The following LMO1 variants were observed in gnomAD, a reference collection of about 807,000 sequenced individuals.
LMO1 encodes the protein rhombotin-1.
A neutral mutation model predicts 18.0 loss-of-function variants in LMO1; 10 were observed. That is an observed-to-expected ratio of 0.55 (90% CI 0.34 to 0.94). LMO1 has a LOEUF of 0.94. LMO1 is among the 40% of genes least tolerant of loss of function. The pLI, the probability that LMO1 is intolerant of heterozygous loss-of-function variation, is 0.02. For synonymous variants in LMO1, 77 were observed against 77.9 expected (o/e 0.99, Z 0.06); for missense variants, 183 against 205.7 (o/e 0.89, Z 0.68).
At chr11:8,251,901 GT>G (rs1847004630) in intron 1 of LMO1, among the ~76,000 whole-genome samples, 1 of 55,274 alleles carries the variant, frequency 1.8e-5, no homozygotes, top group Non-Finnish European at 4.9e-5. Context: ...GTGTATGGGA[GT>G]GTGTGGTGGG....
intron 1 of LMO1, among the ~76,000 whole-genome samples, chr11:8,233,159 T>C (rs1203449100): frequency 1.3e-5 from 2 of 152,156 alleles, no homozygotes; most frequent in African/African-American, 4.8e-5. Flanking sequence ...AGAACTCTTA[T>C]AGAAGCCACA....
chr11:8,226,791 G>T, intron 3 of LMO1, 184 bp downstream of exon 3: 1 of 1,135,642 alleles, frequency 8.8e-7, no homozygotes, highest in Non-Finnish European at 1.2e-6. Flanking sequence ...CACACATTTG[G>T]CTACCGAGCT....
intron 1 of LMO1, among the ~76,000 whole-genome samples, chr11:8,232,785 A>G (rs1171856932): frequency 6.6e-6 from 1 of 152,188 alleles, no homozygotes; most frequent in African/African-American, 2.4e-5. Flanking sequence ...GGGAGACCCT[A>G]GCCCACTAAA....
At chr11:8,247,873 G>T (rs2134562862) in intron 1 of LMO1, among the ~76,000 whole-genome samples, 2 of 152,362 alleles carry the variant, frequency 1.3e-5, no homozygotes, top group South Asian at 4.1e-4. Context: ...GTAAGGGGTG[G>T]CAGGAGTACA....
intron 1 of LMO1, among the ~76,000 whole-genome samples, chr11:8,245,534 G>C (rs762306924): frequency 1.3e-5 from 2 of 152,168 alleles, no homozygotes; most frequent in Admixed American, 6.5e-5. Flanking sequence ...GCAAAGATCC[G>C]TACTAACCCC....
At chr11:8,224,870 C>T (rs1322172529) in intron 3 of LMO1, 149 bp from the exon 4 acceptor site, 2 of 636,512 alleles carry the variant, frequency 3.1e-6, no homozygotes, top group Admixed American at 4.6e-5. Context: ...GAGGGAACTG[C>T]CAAAAGTCCC....
intron 3 of LMO1, among the ~76,000 whole-genome samples, chr11:8,226,215 C>T (rs907421394): frequency 6.6e-6 from 1 of 152,106 alleles, no homozygotes; most frequent in Admixed American, 6.5e-5. Flanking sequence ...CGTATACAGG[C>T]TGGGCGCGGT....
upstream of LMO1, chr11:8,268,412 G>C: frequency 6.8e-7 from 1 of 1,468,660 alleles, no homozygotes; most frequent in South Asian, 1.3e-5. Flanking sequence ...CCGGCACCGG[G>C]CGCCGGGCAC....
At chr11:8,225,606 C>T (rs968979613) in intron 3 of LMO1, among the ~76,000 whole-genome samples, 5 of 152,214 alleles carry the variant, frequency 3.3e-5, no homozygotes, top group Admixed American at 2.0e-4. Flanking sequence ...TCCTCTCCTA[C>T]CGAAGGAAGG....
At chr11:8,236,626 A>G (rs991463483) in intron 1 of LMO1, among the ~76,000 whole-genome samples, 1 of 152,016 alleles carries the variant, frequency 6.6e-6, no homozygotes, top group African/African-American at 2.4e-5. Flanking sequence ...ACACACGGAG[A>G]GCATGCAGAC....
chr11:8,232,218 T>A (rs929398889), intron 1 of LMO1, among the ~76,000 whole-genome samples: 4 of 152,102 alleles, frequency 2.6e-5, no homozygotes, highest in African/African-American at 9.7e-5. Flanking sequence ...AGCTGGTGAG[T>A]GTGCTGCCTA....
At chr11:8,254,479 G>A (rs571621356) in intron 1 of LMO1, among the ~76,000 whole-genome samples, 2 of 152,304 alleles carry the variant, frequency 1.3e-5, no homozygotes, top group South Asian at 2.1e-4. Context: ...TTCTCACCTG[G>A]CTGCATCTGC....
Position 8,241,480 on chromosome 11 carries a change from G to A in LMO1, c.26-10976C>T, listed in dbSNP as rs975380246. Reference sequence around the variant, plus strand: ...AACACCCAGACTCTTCATCCAGCCTGTAACATCTTCATGTGGTCTGGTGTC... The same window carrying A: ...AACACCCAGACTCTTCATCCAGCCTATAACATCTTCATGTGGTCTGGTGTC... On this transcript the variant is annotated intron_variant, in intron 1 of 3. Coordinates refer to ENST00000335790, the MANE Select transcript of LMO1 (RefSeq NM_002315.3). 2.0e-5 allele frequency among the ~76,000 whole-genome samples: 3 copies of A among 152,288 alleles called. No homozygotes were observed. In the South Asian group the frequency reaches 6.2e-4, roughly 32 times the overall value.
chr11:8,262,571 C>T (rs2134590517), intron 1 of LMO1, among the ~76,000 whole-genome samples: 1 of 152,328 alleles, frequency 6.6e-6, no homozygotes, highest in Admixed American at 6.5e-5. Context: ...TTTCCCGTGC[C>T]CTGCAGTTTT....
chr11:8,230,429 C>A lies in LMO1; in HGVS notation c.101G>T (p.Arg34Leu), dbSNP rs371807297. The A allele has an allele frequency of 6.2e-7, 1 of 1,614,062 alleles. No individual in the cohort carries two copies. Among genetic ancestry groups the A allele is most frequent in the East Asian group, 2.2e-5 (1 of 44,882 alleles). ...CAGCNRKIKD[R>L]YLLKALDKYW... ...CTTGTCCAATGCCTTCAGCAGATAG[C>A]GGTCCTTGATCTTGCGGTTACAGCC... Residue 34 changes from arginine (R) to leucine (L), a missense_variant, in exon 2 of 4, where the codon CGC becomes CTC. Transcript: ENST00000335790.
chr11:8,238,182 G>A (rs970707927), intron 1 of LMO1, among the ~76,000 whole-genome samples: 3 of 152,026 alleles, frequency 2.0e-5, no homozygotes, highest in East Asian at 3.9e-4. Flanking sequence ...ACAGTAAAAC[G>A]AAATAAATTA....
At chr11:8,238,208 A>C (rs575344864) in intron 1 of LMO1, among the ~76,000 whole-genome samples, 1 of 152,350 alleles carries the variant, frequency 6.6e-6, no homozygotes, top group South Asian at 2.1e-4. Flanking sequence ...TATTCGTACA[A>C]TGGAATAGTA....
intron 1 of LMO1, among the ~76,000 whole-genome samples, chr11:8,260,674 T>C (rs191117093): frequency 6.6e-6 from 1 of 152,096 alleles, no homozygotes; most frequent in Admixed American, 6.6e-5. Flanking sequence ...CTTTCAGAAG[T>C]GCAACATGAA....
chr11:8,265,713 G>A (rs1847254324), upstream of LMO1, among the ~76,000 whole-genome samples: 1 of 152,200 alleles, frequency 6.6e-6, no homozygotes, highest in Non-Finnish European at 1.5e-5. Flanking sequence ...TTTGGTGCCA[G>A]CCCCTCACAC....
Sources: gnomAD v4.1 joint callset for allele counts (sites outside exome capture counted in the v4.1 genomes callset) on GRCh38, gnomAD v4.1.1 for gene constraint, MANE v1.5 for transcripts, NCBI Gene and HGNC (gene_info 2026-07-23, HGNC 2026-07-21) for gene names.